The following OCA2 variants were observed in gnomAD, a reference collection of about 807,000 sequenced individuals.
OCA2 encodes the protein P protein.
OCA2 carries 77 observed loss-of-function variants against 100.2 expected under a neutral mutation model. The ratio of observed to expected loss-of-function variants is 0.77; its 90% CI spans 0.64 to 0.93. The LOEUF (loss-of-function observed/expected upper bound fraction) is 0.93, where lower values mean the gene tolerates loss of function less well. OCA2 is among the 40% of genes least tolerant of loss of function. The pLI is 0.00. For synonymous variants in OCA2, 432 were observed against 439.2 expected (o/e 0.98, Z 0.21); for missense variants, 1,062 against 1,089.1 (o/e 0.98, Z 0.35).
intron 23 of OCA2, among the ~76,000 whole-genome samples, chr15:27,835,838 T>C (rs1460312754): frequency 6.6e-6 from 1 of 152,186 alleles, no homozygotes; most frequent in Admixed American, 6.5e-5. Flanking sequence ...TCTCCCCTAG[T>C]GGTCTGCGTG....
At chr15:27,940,209 G>C (rs1055309823) in intron 18 of OCA2, among the ~76,000 whole-genome samples, 3 of 152,232 alleles carry the variant, frequency 2.0e-5, no homozygotes, top group African/African-American at 4.8e-5. Context: ...TAAAGTACCA[G>C]ATAAAACATC....
intron 9 of OCA2, among the ~76,000 whole-genome samples, chr15:27,996,311 T>A (rs1161897018): frequency 6.6e-6 from 1 of 152,118 alleles, no homozygotes; most frequent in Non-Finnish European, 1.5e-5. Context: ...AGTGTATAAA[T>A]GAATTGAAAA....
intron 23 of OCA2, among the ~76,000 whole-genome samples, chr15:27,842,520 A>C (rs2035378533): frequency 6.6e-6 from 1 of 152,228 alleles, no homozygotes; most frequent in African/African-American, 2.4e-5. Flanking sequence ...TAAGAAATTC[A>C]TGCAAATAAA....
Position 27,931,306 on chromosome 15 carries a change from T to TA in OCA2, c.1952-5053_1952-5052insT, listed in dbSNP as rs372977056. Among the ~76,000 whole-genome samples the TA allele has an allele frequency of 1.3e-4, 20 of 152,230 alleles. 1 individual carries two copies. Among genetic ancestry groups the TA allele is most frequent in the African/African-American group, 4.3e-4 (18 of 41,570 alleles). ...GTTCTTGACAATTCTATACCTTGCA[T>TA]TTTATTTTATCTATTTATTTATTTA... On this transcript the variant is annotated intron_variant, in intron 18 of 23. Coordinates refer to ENST00000354638, the MANE Select transcript of OCA2 (RefSeq NM_000275.3).
At chr15:27,916,471 T>G (rs2038668537) in intron 19 of OCA2, among the ~76,000 whole-genome samples, 1 of 152,140 alleles carries the variant, frequency 6.6e-6, no homozygotes, top group African/African-American at 2.4e-5. Context: ...CATCCAGAAA[T>G]TTTTAAACAT....
intron 23 of OCA2, among the ~76,000 whole-genome samples, chr15:27,787,260 C>G (rs1441146158): frequency 6.6e-6 from 1 of 152,012 alleles, no homozygotes; most frequent in African/African-American, 2.4e-5. Flanking sequence ...ATGTTAATAG[C>G]CTTGCCTGCC....
At chr15:28,084,835 G>T (rs763401876) in intron 1 of OCA2, among the ~76,000 whole-genome samples, 2 of 152,230 alleles carry the variant, frequency 1.3e-5, no homozygotes, top group Non-Finnish European at 2.9e-5. Context: ...CACCATGTGG[G>T]CTCCTCCAGT....
chr15:28,031,534 T>G (rs1216850024), intron 3 of OCA2, among the ~76,000 whole-genome samples: 3 of 152,234 alleles, frequency 2.0e-5, no homozygotes, highest in South Asian at 4.1e-4. Flanking sequence ...AGAACCACCC[T>G]GATTTGTGCC....
At chr15:27,928,650 T>C (rs973789115) in intron 18 of OCA2, among the ~76,000 whole-genome samples, 3 of 152,196 alleles carry the variant, frequency 2.0e-5, no homozygotes, top group Non-Finnish European at 4.4e-5. Flanking sequence ...CCTTACTGGC[T>C]GTCACCCAAA....
intron 17 of OCA2, among the ~76,000 whole-genome samples, chr15:27,954,370 T>C (rs1295269990): frequency 6.6e-6 from 1 of 152,182 alleles, no homozygotes; most frequent in Non-Finnish European, 1.5e-5. Flanking sequence ...ACCTTTCTTT[T>C]CTAACCCTGG....
intron 23 of OCA2, among the ~76,000 whole-genome samples, chr15:27,769,747 G>A (rs1414975270): frequency 1.3e-5 from 2 of 152,256 alleles, no homozygotes; most frequent in Admixed American, 6.5e-5. Flanking sequence ...CTGAGCAGAA[G>A]GAAGAACTGC....
chr15:27,951,492 A>T (rs954353904), intron 18 of OCA2, among the ~76,000 whole-genome samples: 8 of 152,200 alleles, frequency 5.3e-5, no homozygotes, highest in African/African-American at 1.9e-4. Flanking sequence ...AATAGACAGG[A>T]CAGTGCCCAC....
chr15:27,849,604 A>C (rs1402439537), intron 22 of OCA2, among the ~76,000 whole-genome samples: 2 of 151,978 alleles, frequency 1.3e-5, no homozygotes, highest in African/African-American at 4.8e-5. Flanking sequence ...AGCAAATGAC[A>C]TTTCTAAAAC....
intron 9 of OCA2, 22 bp from the exon 10 acceptor site, chr15:27,990,669 T>G (rs758792815): frequency 3.1e-6 from 5 of 1,610,692 alleles, no homozygotes; most frequent in African/African-American, 1.3e-5. Flanking sequence ...CACAGGAAAT[T>G]ACCGCGTTCC....
At chr15:27,778,404 G>A (rs928156185) in intron 23 of OCA2, among the ~76,000 whole-genome samples, 1 of 152,224 alleles carries the variant, frequency 6.6e-6, no homozygotes, top group Non-Finnish European at 1.5e-5. Flanking sequence ...CATCAGAAGA[G>A]TCTGTGTTTG....
chr15:27,840,684 GT>G (rs1272397726), intron 23 of OCA2, among the ~76,000 whole-genome samples: 1 of 152,158 alleles, frequency 6.6e-6, no homozygotes, highest in Non-Finnish European at 1.5e-5. Flanking sequence ...GCACCAAACG[GT>G]GCTAGAGTGC....
the OCA2 span, among the ~76,000 whole-genome samples, chr15:27,736,305 G>C: frequency 7.1e-6 from 1 of 141,000 alleles, no homozygotes; most frequent in Admixed American, 7.5e-5. Flanking sequence ...ATAAAAGTTG[G>C]ACAAAATATT....
intron 18 of OCA2, 33 bp from the exon 19 acceptor site, chr15:27,926,287 T>C: frequency 1.9e-6 from 3 of 1,612,820 alleles, no homozygotes; most frequent in South Asian, 2.2e-5. Flanking sequence ...AGAGATATAG[T>C]TCCACTGTTA....
chr15:27,774,947 G>A (rs1425526800), intron 23 of OCA2, among the ~76,000 whole-genome samples: 1 of 152,186 alleles, frequency 6.6e-6, no homozygotes, highest in African/African-American at 2.4e-5. Context: ...GAGCTACCCA[G>A]GCTGTGGTAC....
Sources: gnomAD v4.1 joint callset for allele counts (sites outside exome capture counted in the v4.1 genomes callset) on GRCh38, gnomAD v4.1.1 for gene constraint, MANE v1.5 for transcripts, NCBI Gene and HGNC (gene_info 2026-07-23, HGNC 2026-07-21) for gene names.